ASAP1: variants seen among roughly 807,000 people sequenced by gnomAD.
ASAP1 encodes ArfGAP with SH3 domain, ankyrin repeat and PH domain 1.
In ASAP1, 43 loss-of-function variants were observed where a neutral mutation model predicts 145.2. The ratio of observed to expected loss-of-function variants is 0.30; its 90% CI spans 0.23 to 0.38. The LOEUF (loss-of-function observed/expected upper bound fraction) is 0.38. Ranked by LOEUF, ASAP1 falls within the 10% of genes least tolerant of loss-of-function variation. The pLI is 1.00. For synonymous variants in ASAP1, 546 were observed against 515.5 expected, an observed-to-expected ratio of 1.06 and a Z score of -0.80; for missense variants, 1,018 against 1,355.3, an observed-to-expected ratio of 0.75 and a Z score of 3.91.
intron 20 of ASAP1, 87 bp downstream of exon 20, chr8:130,118,074 T>A (rs527511330): frequency 8.7e-7 from 1 of 1,145,972 alleles, no homozygotes; most frequent in African/African-American, 1.6e-5. Flanking sequence ...AGCTTGCCAA[T>A]TCCCGATCTA....
At chr8:130,224,326 T>C (rs1817466081) in intron 4 of ASAP1, among the ~76,000 whole-genome samples, 1 of 152,244 alleles carries the variant, frequency 6.6e-6, no homozygotes, top group South Asian at 2.1e-4. Flanking sequence ...AAATTCTTTT[T>C]ATATTATCCT....
In ASAP1 at chr8:130,080,100, C is replaced by A. The variant is rs770383193; in HGVS notation, c.2573-129G>T. The A allele has an allele frequency of 2.7e-5, 21 of 785,202 alleles. 1 individual carries two copies. Among genetic ancestry groups the A allele is most frequent in the Non-Finnish European group, 4.5e-5 (21 of 465,204 alleles). The allele number at this position is 785,202 out of a possible 1,614,324, so 48.6% of individuals were successfully genotyped here. A position where few individuals can be genotyped will look rare whatever the true frequency, so the allele number is the denominator to read the frequency against. ...GGCATTTAAAAGACCCAAGCCAAAA[C>A]GGCATGCATTTCTGGCCTAAGACCA... is the stretch of plus-strand genomic sequence containing the variant. On this transcript the variant is annotated intron_variant, in intron 25 of 29. Transcript: ENST00000518721.
chr8:130,367,990 A>G (rs1450396954), intron 2 of ASAP1, among the ~76,000 whole-genome samples: 1 of 152,124 alleles, frequency 6.6e-6, no homozygotes, highest in Non-Finnish European at 1.5e-5. Context: ...TCTTCTTAAC[A>G]TATGCTATTT....
At chr8:130,437,084 G>A (rs894713512) in intron 1 of ASAP1, among the ~76,000 whole-genome samples, 4 of 136,982 alleles carry the variant, frequency 2.9e-5, no homozygotes, top group East Asian at 2.1e-4. Context: ...CAGCCTAGGC[G>A]ACAGAGCAAG....
At chr8:130,304,287 A>G (rs1822856271) in intron 3 of ASAP1, among the ~76,000 whole-genome samples, 1 of 152,030 alleles carries the variant, frequency 6.6e-6, no homozygotes, top group Non-Finnish European at 1.5e-5. Flanking sequence ...AACGCCTTGT[A>G]TATTTTATGT....
At chr8:130,388,739 C>A (rs1450482950) in intron 2 of ASAP1, among the ~76,000 whole-genome samples, 1 of 152,094 alleles carries the variant, frequency 6.6e-6, no homozygotes, top group African/African-American at 2.4e-5. Flanking sequence ...AGATGATTCG[C>A]AGAAGCTGAG....
intron 14 of ASAP1, 126 bp downstream of exon 14, chr8:130,136,825 G>C (rs1210458782): frequency 3.8e-6 from 3 of 792,134 alleles, no homozygotes; most frequent in Non-Finnish European, 6.5e-6. Context: ...AGCAGCACAT[G>C]CAGGAATAAC....
chr8:130,132,164 G>T (rs1236067814), intron 15 of ASAP1, among the ~76,000 whole-genome samples: 1 of 152,162 alleles, frequency 6.6e-6, no homozygotes, highest in Non-Finnish European at 1.5e-5. Flanking sequence ...GTTACCATGG[G>T]CACATTGTGC....
intron 27 of ASAP1, among the ~76,000 whole-genome samples, chr8:130,074,472 C>CACAT (rs1455044063): frequency 4.7e-5 from 7 of 148,722 alleles, no homozygotes; most frequent in African/African-American, 9.8e-5. Context: ...CACACACACA[C>CACAT]ACACACACAC....
chr8:130,254,127 G>T (rs1354613249), intron 3 of ASAP1, among the ~76,000 whole-genome samples: 1 of 152,188 alleles, frequency 6.6e-6, no homozygotes, highest in Non-Finnish European at 1.5e-5. Flanking sequence ...CAGGAAAGGT[G>T]GAGTAAAATG....
chr8:130,192,747 G>A (rs72722374), intron 5 of ASAP1, among the ~76,000 whole-genome samples: 5,283 of 152,220 alleles, frequency 0.035, 125 homozygotes, highest in Middle Eastern at 0.065. Context: ...CCCCAGCCTG[G>A]TTGCCAGTTT....
At chr8:130,108,765 T>G (rs1302553946) in intron 24 of ASAP1, among the ~76,000 whole-genome samples, 14 of 84,546 alleles carry the variant, frequency 1.7e-4, no homozygotes, top group Admixed American at 7.8e-4. Flanking sequence ...CAGTTTTTTT[T>G]TTTTTTTTTT....
chr8:130,278,817 T>C (rs1393244973), intron 3 of ASAP1, among the ~76,000 whole-genome samples: 6 of 152,200 alleles, frequency 3.9e-5, no homozygotes, highest in Admixed American at 3.3e-4. Flanking sequence ...GTAACCACTC[T>C]GGGGGCAGAA....
chr8:130,134,112 A>C (rs1376282694), intron 15 of ASAP1, among the ~76,000 whole-genome samples, 184 bp downstream of exon 15: 2 of 152,206 alleles, frequency 1.3e-5, no homozygotes, highest in Admixed American at 6.5e-5. Flanking sequence ...GAGCTTATTG[A>C]GTAGACAAGA....
At chr8:130,400,356 A>T in intron 2 of ASAP1, among the ~76,000 whole-genome samples, 1 of 152,056 alleles carries the variant, frequency 6.6e-6, no homozygotes, top group Non-Finnish European at 1.5e-5. Flanking sequence ...ATCATCCTCT[A>T]ACACAAACTT....
chr8:130,227,587 C>T (rs1183907920), intron 4 of ASAP1, among the ~76,000 whole-genome samples: 1 of 151,636 alleles, frequency 6.6e-6, no homozygotes, highest in African/African-American at 2.4e-5. Context: ...ATCATCAATC[C>T]GTGTCAGTAA....
intron 3 of ASAP1, among the ~76,000 whole-genome samples, chr8:130,317,399 C>T (rs367590175): frequency 4.5e-4 from 69 of 152,292 alleles, no homozygotes; most frequent in African/African-American, 1.5e-3. Context: ...ATGCCACCAT[C>T]AGGGTTTGTT....
At chr8:130,167,392 C>A (rs919210942) in intron 11 of ASAP1, 144 bp downstream of exon 11, 5 of 794,612 alleles carry the variant, frequency 6.3e-6, no homozygotes, top group Non-Finnish European at 1.1e-5. Context: ...AACTAAAATA[C>A]AGTTTCTACA....
intron 15 of ASAP1, among the ~76,000 whole-genome samples, chr8:130,130,888 C>G (rs183470695): frequency 6.6e-6 from 1 of 151,868 alleles, no homozygotes; most frequent in East Asian, 1.9e-4. Flanking sequence ...AAAAAAGCCA[C>G]GCTCACGCCT....
Sources: gnomAD v4.1 joint callset for allele counts (sites outside exome capture counted in the v4.1 genomes callset) on GRCh38, gnomAD v4.1.1 for gene constraint, MANE v1.5 for transcripts, NCBI Gene and HGNC (gene_info 2026-07-23, HGNC 2026-07-21) for gene names.